The following BCL2 variants were observed in gnomAD, a reference collection of about 807,000 sequenced individuals.
The protein encoded by BCL2 is apoptosis regulator Bcl-2.
In BCL2, 1 loss-of-function variant was observed where a neutral mutation model predicts 14.2. The observed-to-expected ratio is 0.07, with a 90% CI of 0.02 to 0.33. The LOEUF is 0.33. BCL2 is among the 10% of genes least tolerant of loss of function. BCL2 has a pLI of 0.99. For synonymous variants in BCL2, 151 were observed against 137.2 expected (o/e 1.10, Z -0.70); for missense variants, 247 against 305.9 (o/e 0.81, Z 1.44).
At chr18:63,274,119 G>A (rs1450289397) in intron 2 of BCL2, among the ~76,000 whole-genome samples, 1 of 151,946 alleles carries the variant, frequency 6.6e-6, no homozygotes, top group East Asian at 1.9e-4. Context: ...AGGAAGGAGG[G>A]AGAGATATTT....
chr18:63,148,112 C>A (rs1010375743), intron 2 of BCL2, among the ~76,000 whole-genome samples: 3 of 152,190 alleles, frequency 2.0e-5, no homozygotes, highest in African/African-American at 7.2e-5. Flanking sequence ...TCCCCGCTCC[C>A]CCCCATTTCA....
In BCL2 at chr18:63,293,756, C is replaced by A. The variant is rs117540612; in HGVS notation, c.585+24326G>T. On this transcript the variant is annotated intron_variant, in intron 2 of 2. Transcript: ENST00000333681. The stretch of plus-strand genomic sequence containing the variant: ...AAAGGAAAATGGGATCAAAGTATAG[C>A]CAGCAACGTGAAAAGTCCCATTTCA... Among the ~76,000 whole-genome samples, 501 of 152,220 alleles carry A rather than the reference C, an allele frequency of 3.3e-3. 4 individuals are homozygous for A. The highest frequency in any genetic ancestry group is 0.033 in the East Asian group (170 of 5,186).
At chr18:63,241,073 T>C (rs1172457376) in intron 2 of BCL2, among the ~76,000 whole-genome samples, 1 of 152,242 alleles carries the variant, frequency 6.6e-6, no homozygotes, top group Non-Finnish European at 1.5e-5. Context: ...AAAGCAGACA[T>C]AGACAATACA....
chr18:63,212,203 G>C (rs1010989613), intron 2 of BCL2, among the ~76,000 whole-genome samples: 1 of 151,536 alleles, frequency 6.6e-6, no homozygotes, highest in African/African-American at 2.4e-5. Context: ...GCGGGCGCCT[G>C]TAGTCCCAGC....
At chr18:63,209,943 C>T (rs1045774972) in intron 2 of BCL2, among the ~76,000 whole-genome samples, 9 of 152,124 alleles carry the variant, frequency 5.9e-5, no homozygotes, top group African/African-American at 2.2e-4. Flanking sequence ...GTTATGGCTC[C>T]AGACACCTGC....
chr18:63,167,728 C>G (rs141985324), intron 2 of BCL2, among the ~76,000 whole-genome samples: 1 of 152,264 alleles, frequency 6.6e-6, no homozygotes, highest in Non-Finnish European at 1.5e-5. Context: ...GAGATCAAGA[C>G]TATCCTGGCC....
chr18:63,209,449 A>G (rs2144672011), intron 2 of BCL2, among the ~76,000 whole-genome samples: 1 of 152,324 alleles, frequency 6.6e-6, no homozygotes, highest in South Asian at 2.1e-4. Context: ...GAAGATGACT[A>G]AGATGTGGGG....
intron 2 of BCL2, among the ~76,000 whole-genome samples, chr18:63,267,908 T>C (rs1489853552): frequency 2.0e-5 from 3 of 152,178 alleles, no homozygotes; most frequent in East Asian, 1.9e-4. Flanking sequence ...CTTCTGTCTT[T>C]CTTCCTTCCT....
At chr18:63,162,101 C>G (rs761770189) in intron 2 of BCL2, among the ~76,000 whole-genome samples, 3 of 152,136 alleles carry the variant, frequency 2.0e-5, no homozygotes, top group Non-Finnish European at 4.4e-5. Flanking sequence ...CCGCTCCGCA[C>G]TCAAATCTGG....
intron 2 of BCL2, among the ~76,000 whole-genome samples, chr18:63,199,889 C>T (rs561403036): frequency 3.3e-5 from 5 of 151,978 alleles, no homozygotes; most frequent in Admixed American, 6.6e-5. Flanking sequence ...GGGGTAAATA[C>T]GGTAGCACGG....
At chr18:63,201,240 A>C (rs1322651228) in intron 2 of BCL2, among the ~76,000 whole-genome samples, 1 of 152,176 alleles carries the variant, frequency 6.6e-6, no homozygotes, top group Non-Finnish European at 1.5e-5. Context: ...AGAAAAGTTA[A>C]ATTTTTTTCA....
At chr18:63,285,740 A>G (rs966163705) in intron 2 of BCL2, among the ~76,000 whole-genome samples, 1 of 152,160 alleles carries the variant, frequency 6.6e-6, no homozygotes, top group Non-Finnish European at 1.5e-5. Context: ...GTTTCCATGC[A>G]GGGCAAATCT....
intron 2 of BCL2, among the ~76,000 whole-genome samples, chr18:63,220,159 G>A (rs894067094): frequency 1.3e-5 from 2 of 152,196 alleles, no homozygotes; most frequent in Admixed American, 6.5e-5. Flanking sequence ...AGTTGGGCTC[G>A]TGGATGAAAA....
At chr18:63,201,942 C>T (rs929440448) in intron 2 of BCL2, among the ~76,000 whole-genome samples, 4 of 151,834 alleles carry the variant, frequency 2.6e-5, no homozygotes, top group African/African-American at 7.3e-5. Flanking sequence ...GAAGCCTGCA[C>T]GTTCTGCACA....
chr18:63,217,162 A>C (rs1373479691), intron 2 of BCL2, among the ~76,000 whole-genome samples: 1 of 152,228 alleles, frequency 6.6e-6, no homozygotes, highest in Non-Finnish European at 1.5e-5. Flanking sequence ...GATGTAATAT[A>C]ACTGAAGGCA....
At chr18:63,145,437 T>A (rs1006428410) in intron 2 of BCL2, among the ~76,000 whole-genome samples, 2 of 149,640 alleles carry the variant, frequency 1.3e-5, no homozygotes, top group African/African-American at 5.0e-5. Context: ...CACTGCCCCG[T>A]CACCTGCTTC....
intron 2 of BCL2, among the ~76,000 whole-genome samples, chr18:63,283,200 G>A (rs564948223): frequency 6.6e-6 from 1 of 152,328 alleles, no homozygotes; most frequent in Non-Finnish European, 1.5e-5. Flanking sequence ...ACTAAAGGCA[G>A]TAAGTATGGC....
At chr18:63,256,553 A>G (rs1911482500) in intron 2 of BCL2, among the ~76,000 whole-genome samples, 1 of 152,182 alleles carries the variant, frequency 6.6e-6, no homozygotes, top group Non-Finnish European at 1.5e-5. Context: ...TGAAAGCGTG[A>G]CTTACTCAAG....
chr18:63,224,018 G>T (rs1910479332), intron 2 of BCL2, among the ~76,000 whole-genome samples: 1 of 152,072 alleles, frequency 6.6e-6, no homozygotes, highest in Non-Finnish European at 1.5e-5. Context: ...AGAAAACTAA[G>T]AGAATGACAC....
Sources: gnomAD v4.1 joint callset for allele counts (sites outside exome capture counted in the v4.1 genomes callset) on GRCh38, gnomAD v4.1.1 for gene constraint, MANE v1.5 for transcripts, NCBI Gene and HGNC (gene_info 2026-07-23, HGNC 2026-07-21) for gene names.